MAN1A2: variants seen among roughly 807,000 people sequenced by gnomAD.
The protein encoded by MAN1A2 is mannosidase alpha class 1A member 2, also known as mannosyl-oligosaccharide 1,2-alpha-mannosidase IB.
In MAN1A2, 26 loss-of-function variants were observed where a neutral mutation model predicts 75.7. The ratio of observed to expected loss-of-function variants is 0.34; its 90% CI spans 0.25 to 0.48. MAN1A2 has a LOEUF of 0.48. Among genes scored for constraint, MAN1A2 ranks in the 20% least tolerant of loss-of-function variants. The pLI, the probability that MAN1A2 is intolerant of heterozygous loss-of-function variation, is 0.99. For missense variants in MAN1A2, 562 were observed against 775.5 expected, an observed-to-expected ratio of 0.72 and a Z score of 3.27; for synonymous variants, 247 against 264.6, an observed-to-expected ratio of 0.93 and a Z score of 0.65.
At chr1:117,504,838 T>C (rs557460884) in intron 12 of MAN1A2, among the ~76,000 whole-genome samples, 28 of 151,578 alleles carry the variant, frequency 1.8e-4, no homozygotes, top group African/African-American at 6.3e-4. Flanking sequence ...TTTTTTCTAA[T>C]TGTTCCACAT....
In MAN1A2 at chr1:117,496,852, G is replaced by T. The variant is rs759640717; in HGVS notation, c.1374G>T (p.Gly458=). Residue 458 remains glycine, a synonymous_variant, in exon 10 of 13, where the codon GGG becomes GGT. Transcript: ENST00000356554. ...WKNGHLEKKM[G]HLACFAGGMF... ...ATGGGCACTTGGAAAAAAAGATGGGGCATTTGGCCTGCTTTGCTGGGGGAA... is the reference window on the plus strand; with the variant it reads ...ATGGGCACTTGGAAAAAAAGATGGGTCATTTGGCCTGCTTTGCTGGGGGAA... 2.5e-6 allele frequency: 4 copies of T among 1,612,684 alleles called. No individual in the cohort carries two copies. The highest frequency in any genetic ancestry group is 3.3e-4 in the Middle Eastern group (2 of 6,046).
At chr1:117,491,511 G>T (rs1650883100) in intron 8 of MAN1A2, among the ~76,000 whole-genome samples, 1 of 38,866 alleles carries the variant, frequency 2.6e-5, no homozygotes, top group African/African-American at 6.6e-5. Flanking sequence ...CAATGCACCT[G>T]ATCACCATTT....
intron 8 of MAN1A2, among the ~76,000 whole-genome samples, chr1:117,486,221 C>G (rs1650697160): frequency 6.6e-6 from 1 of 151,740 alleles, no homozygotes; most frequent in Admixed American, 6.6e-5. Context: ...GCTCATAGTA[C>G]TTGGGAGAGG....
At chr1:117,445,154 T>C (rs907874001) in intron 6 of MAN1A2, among the ~76,000 whole-genome samples, 1 of 152,182 alleles carries the variant, frequency 6.6e-6, no homozygotes, top group Non-Finnish European at 1.5e-5. Context: ...ATTCTTTTAA[T>C]ATGGTAAATT....
At chr1:117,459,962 C>G (rs1239760390) in intron 6 of MAN1A2, among the ~76,000 whole-genome samples, 1 of 151,668 alleles carries the variant, frequency 6.6e-6, no homozygotes, top group African/African-American at 2.4e-5. Flanking sequence ...GTTGCACATT[C>G]AAATTTTGAG....
chr1:117,449,864 G>A (rs568362542), intron 6 of MAN1A2, among the ~76,000 whole-genome samples: 34 of 152,322 alleles, frequency 2.2e-4, no homozygotes, highest in African/African-American at 7.9e-4. Flanking sequence ...TCACGTCTGT[G>A]AATGCTAAGA....
chr1:117,375,010 A>G (rs1017915425), intron 1 of MAN1A2, among the ~76,000 whole-genome samples: 2 of 152,186 alleles, frequency 1.3e-5, no homozygotes, highest in Admixed American at 6.5e-5. Context: ...TGACTTTTAT[A>G]CATTCTTGTT....
At chr1:117,387,270 T>C (rs1653565761) in intron 1 of MAN1A2, among the ~76,000 whole-genome samples, 2 of 146,032 alleles carry the variant, frequency 1.4e-5, no homozygotes, top group Admixed American at 6.8e-5. Context: ...TATGGAAAAA[T>C]TGGAAACCTT....
intron 1 of MAN1A2, among the ~76,000 whole-genome samples, chr1:117,384,033 C>T (rs961664554): frequency 2.6e-5 from 4 of 152,184 alleles, no homozygotes; most frequent in Non-Finnish European, 5.9e-5. Flanking sequence ...TCTTTGTCAT[C>T]TAACCAGAGG....
At chr1:117,379,738 C>G (rs925916078) in intron 1 of MAN1A2, among the ~76,000 whole-genome samples, 2 of 152,118 alleles carry the variant, frequency 1.3e-5, no homozygotes, top group Non-Finnish European at 2.9e-5. Context: ...CAATCTAAGA[C>G]CTTTTTTGTC....
chr1:117,496,771 A>G lies in MAN1A2; in HGVS notation c.1293A>G (p.Glu431=), dbSNP rs1570792354. ...KMYDDAIEAI[E]KHLIKKSRGG... ...TCTTTTCTTTCCTGTAGGCTATAGA[A>G]AAACATCTTATTAAGAAGTCTCGTG... The change falls in exon 10 of 13, where the codon GAA becomes GAG. Residue 431 remains glutamate (E), a synonymous_variant. Coordinates refer to ENST00000356554, the MANE Select transcript of MAN1A2 (RefSeq NM_006699.5). 6.2e-7 allele frequency: 1 copy of G among 1,610,216 alleles called. No homozygotes were observed. The highest frequency in any genetic ancestry group is 1.1e-5 in the South Asian group (1 of 90,876).
intron 1 of MAN1A2, among the ~76,000 whole-genome samples, chr1:117,380,197 A>C (rs886174671): frequency 2.0e-5 from 3 of 152,216 alleles, no homozygotes; most frequent in Admixed American, 2.0e-4. Flanking sequence ...GTGGTATCTA[A>C]TGATGAATTG....
chr1:117,443,402 T>C (rs557960947), intron 6 of MAN1A2, among the ~76,000 whole-genome samples: 1 of 152,292 alleles, frequency 6.6e-6, no homozygotes, highest in East Asian at 1.9e-4. Context: ...TGGAAGGATA[T>C]GGCCAAGTGA....
At chr1:117,421,948 A>G (rs1053587585) in intron 5 of MAN1A2, among the ~76,000 whole-genome samples, 5 of 152,114 alleles carry the variant, frequency 3.3e-5, no homozygotes, top group Admixed American at 6.6e-5. Context: ...TGTTCATGCC[A>G]AATACTCCTT....
intron 4 of MAN1A2, 118 bp downstream of exon 4, chr1:117,414,949 A>C (rs1647941385): frequency 4.8e-6 from 3 of 626,528 alleles, no homozygotes; most frequent in East Asian, 5.4e-5. Flanking sequence ...CCTAATCACT[A>C]ATGTGACGGT....
At chr1:117,404,790 C>T (rs1647560370) in intron 2 of MAN1A2, among the ~76,000 whole-genome samples, 1 of 152,108 alleles carries the variant, frequency 6.6e-6, no homozygotes. Flanking sequence ...CATGGTGGCT[C>T]ACACCTGTAA....
chr1:117,425,384 C>G (rs1570732538), intron 5 of MAN1A2, among the ~76,000 whole-genome samples: 1 of 152,116 alleles, frequency 6.6e-6, no homozygotes, highest in East Asian at 1.9e-4. Context: ...GACACACACA[C>G]AGAGGTATTA....
intron 3 of MAN1A2, among the ~76,000 whole-genome samples, chr1:117,407,692 T>C (rs1647660868): frequency 1.3e-5 from 2 of 152,198 alleles, no homozygotes; most frequent in African/African-American, 4.8e-5. Flanking sequence ...GAAAATCCAT[T>C]GCAAAATGGC....
chr1:117,423,885 C>CT (rs568455134), intron 5 of MAN1A2, among the ~76,000 whole-genome samples: 1,424 of 141,004 alleles, frequency 0.01, 49 homozygotes, highest in Admixed American at 0.076. Flanking sequence ...TTCTTTCTTT[C>CT]TTTTTTTTTT....
Sources: allele counts gnomAD v4.1 joint callset (sites outside exome capture counted in the v4.1 genomes callset), GRCh38; gene constraint gnomAD v4.1.1; transcripts MANE v1.5; gene names NCBI Gene and HGNC (gene_info 2026-07-23, HGNC 2026-07-21).